Variants in PTPRD observed in about 807,000 individuals in gnomAD.
PTPRD encodes the protein receptor-type tyrosine-protein phosphatase delta.
Under a neutral mutation model 214.5 loss-of-function variants are expected in PTPRD, and 34 were observed. The ratio of observed to expected loss-of-function variants is 0.16; its 90% CI spans 0.12 to 0.21. PTPRD has a LOEUF of 0.21. Among genes scored for constraint, PTPRD ranks in the 10% least tolerant of loss-of-function variants. PTPRD has a pLI of 1.00. For synonymous variants in PTPRD, 1,128 were observed against 845.7 expected, an observed-to-expected ratio of 1.33 and a Z score of -5.79; for missense variants, 2,545 against 2,398.7, an observed-to-expected ratio of 1.06 and a Z score of -1.27.
intron 3 of PTPRD, among the ~76,000 whole-genome samples, chr9:10,221,863 G>A (rs965186055): frequency 6.6e-6 from 1 of 151,670 alleles, no homozygotes. Context: ...TTGAGTAGTA[G>A]ACCATAAATG....
intron 11 of PTPRD, among the ~76,000 whole-genome samples, chr9:8,747,103 A>G (rs1194250077): frequency 6.6e-6 from 1 of 152,176 alleles, no homozygotes; most frequent in Non-Finnish European, 1.5e-5. Context: ...GTACCTAACA[A>G]TGTTTCCATC....
At chr9:9,279,967 C>T (rs1174808204) in intron 9 of PTPRD, among the ~76,000 whole-genome samples, 1 of 151,192 alleles carries the variant, frequency 6.6e-6, no homozygotes, top group African/African-American at 2.4e-5. Flanking sequence ...TGTGGAAGCT[C>T]AAAAATTTAA....
chr9:9,306,486 C>T (rs1056890602), intron 9 of PTPRD, among the ~76,000 whole-genome samples: 2 of 143,518 alleles, frequency 1.4e-5, no homozygotes, highest in African/African-American at 5.3e-5. Flanking sequence ...ATCTCTTGAA[C>T]CCAGGAGGCA....
chr9:10,287,223 T>A (rs1358440821), intron 3 of PTPRD, among the ~76,000 whole-genome samples: 1 of 152,176 alleles, frequency 6.6e-6, no homozygotes, highest in Non-Finnish European at 1.5e-5. Flanking sequence ...AATTAGCATG[T>A]GGAGTGTTTG....
At chr9:9,970,417 G>A (rs1247754962) in intron 4 of PTPRD, among the ~76,000 whole-genome samples, 1 of 136,548 alleles carries the variant, frequency 7.3e-6, no homozygotes, top group Admixed American at 7.7e-5. Context: ...GGGCGACAGC[G>A]AGACTCCTTC....
intron 30 of PTPRD, among the ~76,000 whole-genome samples, chr9:8,480,937 A>C (rs1020848371): frequency 6.6e-6 from 1 of 152,092 alleles, no homozygotes; most frequent in Non-Finnish European, 1.5e-5. Context: ...CAGGAGATCG[A>C]GACCAACCTG....
intron 9 of PTPRD, among the ~76,000 whole-genome samples, chr9:9,325,141 G>C (rs1969239209): frequency 6.6e-6 from 1 of 152,138 alleles, no homozygotes; most frequent in African/African-American, 2.4e-5. Context: ...CTCCAGCTTT[G>C]TTCTTTTGGC....
At chr9:9,488,440 C>T (rs1215294118) in intron 8 of PTPRD, among the ~76,000 whole-genome samples, 2 of 152,150 alleles carry the variant, frequency 1.3e-5, no homozygotes, top group Non-Finnish European at 2.9e-5. Flanking sequence ...TCAGTTGTAC[C>T]TGGAAAGCAA....
At chr9:9,047,252 G>A (rs1196150845) in intron 10 of PTPRD, among the ~76,000 whole-genome samples, 3 of 151,888 alleles carry the variant, frequency 2.0e-5, no homozygotes, top group Non-Finnish European at 4.4e-5. Flanking sequence ...AGAAATTGAA[G>A]AAGACACCAA....
chr9:8,708,284 G>C (rs2098251385), intron 12 of PTPRD, among the ~76,000 whole-genome samples: 1 of 152,096 alleles, frequency 6.6e-6, no homozygotes. Flanking sequence ...TGTTGGTGAG[G>C]ATGTGGAGAA....
At chr9:10,496,254 C>A (rs2041997365) in intron 2 of PTPRD, among the ~76,000 whole-genome samples, 1 of 151,662 alleles carries the variant, frequency 6.6e-6, no homozygotes, top group African/African-American at 2.4e-5. Flanking sequence ...ACCAGAACTG[C>A]CAGTTAAGAC....
chr9:10,342,004 G>A (rs1020275669), intron 2 of PTPRD, among the ~76,000 whole-genome samples: 9 of 151,940 alleles, frequency 5.9e-5, no homozygotes, highest in African/African-American at 2.2e-4. Context: ...ATACTGCTGT[G>A]GCTTAAGTGT....
intron 8 of PTPRD, among the ~76,000 whole-genome samples, chr9:9,443,300 C>T (rs542043883): frequency 1.3e-4 from 20 of 152,266 alleles, no homozygotes; most frequent in Admixed American, 7.8e-4. Context: ...CTAATCTGTT[C>T]TCTACTTCTA....
chr9:9,816,601 A>G (rs2153559895), intron 5 of PTPRD, among the ~76,000 whole-genome samples: 1 of 152,196 alleles, frequency 6.6e-6, no homozygotes. Flanking sequence ...ATTTAAAGTA[A>G]TATTTTCCCC....
intron 2 of PTPRD, among the ~76,000 whole-genome samples, chr9:10,386,760 G>A (rs1213220178): frequency 6.6e-6 from 1 of 151,832 alleles, no homozygotes; most frequent in African/African-American, 2.4e-5. Flanking sequence ...TTCTGTGTTA[G>A]GAAGAACAAT....
intron 3 of PTPRD, among the ~76,000 whole-genome samples, chr9:10,246,327 T>C (rs1299990169): frequency 6.6e-6 from 1 of 152,122 alleles, no homozygotes; most frequent in African/African-American, 2.4e-5. Context: ...CACTGCAACC[T>C]CCACCTCTCA....
intron 43 of PTPRD, among the ~76,000 whole-genome samples, chr9:8,335,984 C>T (rs1164782355): frequency 1.3e-5 from 2 of 152,058 alleles, no homozygotes; most frequent in Non-Finnish European, 2.9e-5. Context: ...GAAGAACATT[C>T]CATGCTCACG....
intron 3 of PTPRD, among the ~76,000 whole-genome samples, chr9:10,272,205 T>C (rs112062185): frequency 2.4e-3 from 373 of 152,320 alleles, no homozygotes; most frequent in African/African-American, 8.3e-3. Flanking sequence ...TCATATAATA[T>C]GTGGTCTCCT....
chr9:8,622,846 C>T (rs2154302730), intron 14 of PTPRD, among the ~76,000 whole-genome samples: 1 of 151,930 alleles, frequency 6.6e-6, no homozygotes, highest in South Asian at 2.1e-4. Context: ...TTCATTCCAT[C>T]AAGAAATTTT....
Sources: allele counts gnomAD v4.1 joint callset (sites outside exome capture counted in the v4.1 genomes callset), GRCh38; gene constraint gnomAD v4.1.1; transcripts MANE v1.5; gene names NCBI Gene and HGNC (gene_info 2026-07-23, HGNC 2026-07-21).